Variants in PCSK5 observed in about 807,000 individuals in gnomAD.
PCSK5 encodes prohormone convertase 5.
Under a neutral mutation model 233.2 loss-of-function variants are expected in PCSK5, and 129 were observed. The observed-to-expected ratio is 0.55, with a 90% CI of 0.48 to 0.64. The LOEUF (loss-of-function observed/expected upper bound fraction) is 0.64, where lower values mean the gene tolerates loss of function less well. Ranked by LOEUF, PCSK5 falls within the 30% of genes least tolerant of loss-of-function variation. PCSK5 has a pLI of 0.00. For missense variants in PCSK5, 2,076 were observed against 2,430.1 expected (o/e 0.85, Z 3.06); for synonymous variants, 825 against 879.2 (o/e 0.94, Z 1.09).
chr9:76,349,067 C>T (rs188349875), intron 35 of PCSK5, among the ~76,000 whole-genome samples: 1 of 151,420 alleles, frequency 6.6e-6, no homozygotes, highest in African/African-American at 2.4e-5. Flanking sequence ...GTGATGAGAT[C>T]GAGACCATCC....
At chr9:75,934,835 T>C (rs1285303349) in intron 2 of PCSK5, among the ~76,000 whole-genome samples, 1 of 152,134 alleles carries the variant, frequency 6.6e-6, no homozygotes, top group African/African-American at 2.4e-5. Context: ...TCTGCCCGCC[T>C]CAGCCTCCCA....
At chr9:76,252,606 C>T (rs1826846955) in intron 24 of PCSK5, among the ~76,000 whole-genome samples, 1 of 152,220 alleles carries the variant, frequency 6.6e-6, no homozygotes, top group African/African-American at 2.4e-5. Context: ...CTCCCCACCA[C>T]TTTACCTTCC....
chr9:76,181,300 G>A (rs1394765248), intron 15 of PCSK5, 98 bp from the exon 16 acceptor site: 1 of 979,492 alleles, frequency 1.0e-6, no homozygotes, highest in African/African-American at 1.6e-5. Flanking sequence ...AAAGTGATTT[G>A]GAAGCTGAGC....
At chr9:76,088,786 G>A (rs978439579) in intron 7 of PCSK5, among the ~76,000 whole-genome samples, 29 of 152,080 alleles carry the variant, frequency 1.9e-4, no homozygotes, top group African/African-American at 6.5e-4. Context: ...CTCCCACCAA[G>A]TTATGATAAA....
At chr9:76,267,950 TACACACACACACAC>T (rs10539241) in intron 24 of PCSK5, among the ~76,000 whole-genome samples, 2,141 of 149,418 alleles carry the variant, frequency 0.014, 51 homozygotes, top group African/African-American at 0.05. Flanking sequence ...CTTATGGGTA[TACACACACACACAC>T]ACACACACAC....
intron 6 of PCSK5, among the ~76,000 whole-genome samples, chr9:76,068,796 C>T (rs1180505143): frequency 6.6e-6 from 1 of 152,126 alleles, no homozygotes; most frequent in East Asian, 1.9e-4. Flanking sequence ...ATGATTTTAT[C>T]ATTATGCCTG....
At chr9:76,311,879 T>C (rs1828874416) in intron 30 of PCSK5, among the ~76,000 whole-genome samples, 1 of 152,156 alleles carries the variant, frequency 6.6e-6, no homozygotes, top group Non-Finnish European at 1.5e-5. Context: ...GGTCACCCCA[T>C]GCAGCCACTA....
chr9:75,893,304 C>A (rs1048275905), intron 1 of PCSK5, among the ~76,000 whole-genome samples: 20 of 152,166 alleles, frequency 1.3e-4, no homozygotes, highest in Non-Finnish European at 8.8e-5. Flanking sequence ...AGTGGCAAAG[C>A]AGTGATTCAG....
intron 12 of PCSK5, among the ~76,000 whole-genome samples, chr9:76,167,952 G>A (rs538804912): frequency 3.3e-5 from 5 of 151,996 alleles, no homozygotes; most frequent in African/African-American, 7.3e-5. Context: ...TGTTTGCCTC[G>A]CTCACTTGCA....
chr9:76,316,961 G>T (rs1829050802), intron 30 of PCSK5, among the ~76,000 whole-genome samples: 1 of 151,982 alleles, frequency 6.6e-6, no homozygotes, highest in Non-Finnish European at 1.5e-5. Context: ...AAAAGCTAAG[G>T]GTACTACTGT....
chr9:76,284,757 C>A (rs1828007207), intron 24 of PCSK5, among the ~76,000 whole-genome samples: 1 of 151,976 alleles, frequency 6.6e-6, no homozygotes, highest in Non-Finnish European at 1.5e-5. Flanking sequence ...GTCTCAAACT[C>A]CCGACGTCAG....
Position 76,333,862 on chromosome 9 carries a change from T to G in PCSK5, c.4748+1252T>G, listed in dbSNP as rs562514548. Among the ~76,000 whole-genome samples, 79 of 152,362 alleles carry G rather than the reference T, an allele frequency of 5.2e-4. 1 individual carries two copies. The highest frequency in any genetic ancestry group is 2.7e-3 in the Admixed American group (42 of 15,288). ...GATTTATCTCATTCATTCACTTATT[T>G]ATTTAACACATTTCATGATGAGTAC... On this transcript the variant is annotated intron_variant, in intron 34 of 37. Coordinates refer to ENST00000674117, the MANE Select transcript of PCSK5 (RefSeq NM_001372043.1).
At chr9:76,229,178 C>A (rs1390128658) in intron 21 of PCSK5, among the ~76,000 whole-genome samples, 2 of 152,206 alleles carry the variant, frequency 1.3e-5, no homozygotes, top group African/African-American at 4.8e-5. Flanking sequence ...TTTAAAGAAG[C>A]ATCAGGACTT....
rs528890971 is a variant in PCSK5, at chr9:76,359,473, C to A, written c.*551C>A. 6.3e-6 allele frequency: 1 copy of A among 158,556 alleles called. No homozygotes were observed. The highest frequency in any genetic ancestry group is 1.8e-4 in the East Asian group (1 of 5,486). 9.8% of individuals were successfully genotyped at this position (158,556 alleles called of 1,614,324 possible). ...GCTCTTATCAATTGACTCCAGGCCA[C>A]CCCTGGTGAGCAGAAGAGACCACCT... On this transcript the variant is annotated 3_prime_UTR_variant, in exon 38 of 38. Transcript: ENST00000674117.
chr9:76,156,114 G>A (rs1397099813), intron 10 of PCSK5, among the ~76,000 whole-genome samples: 1 of 152,144 alleles, frequency 6.6e-6, no homozygotes, highest in Non-Finnish European at 1.5e-5. Flanking sequence ...AAATGTTTTA[G>A]ACAAAAACTG....
At chr9:76,274,093 A>G (rs553359825) in intron 24 of PCSK5, among the ~76,000 whole-genome samples, 1 of 151,356 alleles carries the variant, frequency 6.6e-6, no homozygotes, top group Admixed American at 6.6e-5. Flanking sequence ...TTTAACCTCC[A>G]CGTTTCTTAA....
At chr9:76,126,060 AAG>A (rs1434095747) in intron 9 of PCSK5, among the ~76,000 whole-genome samples, 1 of 152,210 alleles carries the variant, frequency 6.6e-6, no homozygotes, top group Non-Finnish European at 1.5e-5. Context: ...GACAATGAAA[AAG>A]AAAGTTAAAA....
intron 12 of PCSK5, among the ~76,000 whole-genome samples, chr9:76,165,413 C>T (rs1455342364): frequency 6.6e-6 from 1 of 152,124 alleles, no homozygotes; most frequent in Non-Finnish European, 1.5e-5. Context: ...CAGAAGAATG[C>T]TGTGGCCTTG....
intron 27 of PCSK5, among the ~76,000 whole-genome samples, chr9:76,299,450 C>T (rs1828539479): frequency 6.6e-6 from 1 of 152,148 alleles, no homozygotes; most frequent in African/African-American, 2.4e-5. Context: ...GGGTGGATCT[C>T]TTGAGGTCAG....
Sources: allele counts gnomAD v4.1 joint callset (sites outside exome capture counted in the v4.1 genomes callset), GRCh38; gene constraint gnomAD v4.1.1; transcripts MANE v1.5; gene names NCBI Gene and HGNC (gene_info 2026-07-23, HGNC 2026-07-21).